Variants in YPEL5 observed in about 807,000 individuals in gnomAD.
The protein encoded by YPEL5 is yippee like 5.
A neutral mutation model predicts 10.5 loss-of-function variants in YPEL5; 1 was observed. The observed-to-expected ratio is 0.10, with a 90% CI of 0.03 to 0.45. The LOEUF is 0.45. Among genes scored for constraint, YPEL5 ranks in the 20% least tolerant of loss-of-function variants. YPEL5 has a pLI of 0.97. For missense variants in YPEL5, 68 were observed against 159.3 expected, an observed-to-expected ratio of 0.43 and a Z score of 3.09; for synonymous variants, 61 against 56.6, an observed-to-expected ratio of 1.08 and a Z score of -0.35.
At chr2:30,151,524 T>C (rs1675794503) in intron 1 of YPEL5, among the ~76,000 whole-genome samples, 5 of 152,212 alleles carry the variant, frequency 3.3e-5, no homozygotes, top group Admixed American at 3.3e-4. Context: ...CCCTCACTGT[T>C]TCAGGTAATT....
chr2:30,152,093 T>C (rs1198494680), intron 1 of YPEL5, among the ~76,000 whole-genome samples: 1 of 152,208 alleles, frequency 6.6e-6, no homozygotes, highest in African/African-American at 2.4e-5. Context: ...ATAAATTGAC[T>C]AGAAGTCATT....
rs776867722 is a variant in YPEL5 at position 30,158,980 on chromosome 2, CCTTTCTTT to C, written c.*150_*157del. On this transcript the variant is annotated 3_prime_UTR_variant, in exon 3 of 3. Transcript: ENST00000261353. The stretch of plus-strand genomic sequence containing the variant: ...GAGGTTGTGAGAATCTAAGATGGAA[CCTTTCTTT>C]CTTTCTTTCTTTTTTTTTAAATTTT... 1.3e-6 allele frequency: 1 copy of C among 794,046 alleles called. No homozygotes were observed. The highest frequency in any genetic ancestry group is 2.0e-6 in the Non-Finnish European group (1 of 512,442). 49.2% of individuals were successfully genotyped at this position (794,046 alleles called of 1,614,324 possible). A position where few individuals can be genotyped will look rare whatever the true frequency, so the allele number is the denominator to read the frequency against.
intron 1 of YPEL5, among the ~76,000 whole-genome samples, chr2:30,155,307 A>T (rs964427643): frequency 6.6e-6 from 1 of 152,140 alleles, no homozygotes; most frequent in African/African-American, 2.4e-5. Flanking sequence ...AGTCATAATG[A>T]TTTTTGTGAT....
chr2:30,152,320 C>T (rs1345151), intron 1 of YPEL5, among the ~76,000 whole-genome samples: 39,364 of 152,040 alleles, frequency 0.26, 5,752 homozygotes, highest in East Asian at 0.57. Context: ...TGAAGTGGTA[C>T]GTATGAATGT....
rs765255358 is a variant in YPEL5, at chr2:30,156,635, G to C, written c.-17G>C. ...TTTTCTATTTGCTCCTAGGTTTTTA[G>C]AACTTCAGCCATAAAAATGGGCAGA... On this transcript the variant is annotated 5_prime_UTR_variant, in exon 2 of 3. Coordinates refer to ENST00000261353, the MANE Select transcript of YPEL5 (RefSeq NM_016061.3). The C allele has an allele frequency of 3.8e-5, 62 of 1,613,034 alleles. No homozygotes were observed. The highest frequency in any genetic ancestry group is 5.0e-5 in the Non-Finnish European group (59 of 1,179,650).
intron 1 of YPEL5, chr2:30,148,621 G>A (rs1238546885): frequency 6.6e-6 from 1 of 152,216 alleles, no homozygotes; most frequent in African/African-American, 2.4e-5. Context: ...ACAAAGTCGA[G>A]CAATAATTTT....
intron 1 of YPEL5, among the ~76,000 whole-genome samples, chr2:30,154,524 C>T (rs1675950429): frequency 6.6e-6 from 1 of 152,150 alleles, no homozygotes; most frequent in South Asian, 2.1e-4. Flanking sequence ...AAACTACAGG[C>T]TCTTTAATGA....
chr2:30,150,708 T>G (rs1471516882), intron 1 of YPEL5, among the ~76,000 whole-genome samples: 1 of 152,220 alleles, frequency 6.6e-6, no homozygotes, highest in Non-Finnish European at 1.5e-5. Context: ...GCCAACCAAG[T>G]TTCCATTTTT....
In YPEL5 at chr2:30,156,799, G is replaced by A. The variant is rs1458561939; in HGVS notation, c.141+7G>A. The A allele has an allele frequency of 6.2e-7, 1 of 1,613,900 alleles. No homozygotes were observed. ...AGCATTTCTTTTTAACAAGGTTAGT[G>A]AGAAAAAGTTTGATTCCTAAGTGGG... On this transcript the variant is annotated splice_region_variant and intron_variant, in intron 2 of 2. Coordinates refer to ENST00000261353, the MANE Select transcript of YPEL5 (RefSeq NM_016061.3).
chr2:30,158,480 T>TG (rs1352734401), intron 2 of YPEL5, 139 bp from the exon 3 acceptor site: 5 of 775,682 alleles, frequency 6.4e-6, no homozygotes, highest in Middle Eastern at 3.8e-4. Flanking sequence ...AAATAAGTCT[T>TG]GCGTATTATA....
chr2:30,149,474 T>G (rs1675675127), intron 1 of YPEL5, among the ~76,000 whole-genome samples: 1 of 152,262 alleles, frequency 6.6e-6, no homozygotes, highest in Admixed American at 6.5e-5. Context: ...ATCAAACTGT[T>G]TTCCCATGTA....
intron 1 of YPEL5, chr2:30,148,487 A>C (rs1159137959): frequency 6.6e-6 from 1 of 152,250 alleles, no homozygotes; most frequent in Non-Finnish European, 1.5e-5. Context: ...CCAGAAGTGA[A>C]GTGCTTTGGT....
intron 2 of YPEL5, among the ~76,000 whole-genome samples, chr2:30,157,147 G>A (rs1676078405): frequency 6.6e-6 from 1 of 152,126 alleles, no homozygotes; most frequent in African/African-American, 2.4e-5. Context: ...GCTGGGCGTG[G>A]TGGTGTGTGC....
At chr2:30,157,239 C>T (rs151155730) in intron 2 of YPEL5, among the ~76,000 whole-genome samples, 32 of 151,582 alleles carry the variant, frequency 2.1e-4, no homozygotes, top group African/African-American at 6.5e-4. Context: ...GCCGAGATAG[C>T]GCCACTGCAC....
At chr2:30,154,814 C>T (rs1675964782) in intron 1 of YPEL5, among the ~76,000 whole-genome samples, 1 of 152,238 alleles carries the variant, frequency 6.6e-6, no homozygotes. Flanking sequence ...TCTTGGCTCA[C>T]TGCGACCTCT....
chr2:30,147,830 T>C (rs1364649067), intron 1 of YPEL5: 2 of 153,338 alleles, frequency 1.3e-5, no homozygotes, highest in African/African-American at 4.9e-5. Flanking sequence ...GTGTTTGTTG[T>C]GCCGAGGGAG....
intron 2 of YPEL5, among the ~76,000 whole-genome samples, chr2:30,157,569 C>T (rs1247746412): frequency 1.3e-5 from 2 of 152,196 alleles, no homozygotes; most frequent in Non-Finnish European, 2.9e-5. Flanking sequence ...TTCTGATTTG[C>T]AAGTGTGTGC....
Position 30,158,997 on chromosome 2 carries a change from CTTTT to C in YPEL5, c.*160_*163del. ...AGATGGAACCTTTCTTTCTTTCTTT[CTTTT>C]TTTTTAAATTTTGTATTTTCCATCC... On this transcript the variant is annotated 3_prime_UTR_variant, in exon 3 of 3. Transcript: ENST00000261353. The C allele has an allele frequency of 1.4e-6, 1 of 727,472 alleles. No homozygotes were observed. Among genetic ancestry groups the C allele is most frequent in the Non-Finnish European group, 2.2e-6 (1 of 457,540 alleles). The allele number at this position is 727,472 out of a possible 1,614,324, so 45.1% of individuals were successfully genotyped here. A position where few individuals can be genotyped will look rare whatever the true frequency, so the allele number is the denominator to read the frequency against.
chr2:30,152,567 G>A (rs1675848429), intron 1 of YPEL5, among the ~76,000 whole-genome samples: 1 of 152,208 alleles, frequency 6.6e-6, no homozygotes, highest in Admixed American at 6.5e-5. Flanking sequence ...CATGGAAGCA[G>A]GAAGGGCTGA....
Sources: gnomAD v4.1 joint callset for allele counts (sites outside exome capture counted in the v4.1 genomes callset) on GRCh38, gnomAD v4.1.1 for gene constraint, MANE v1.5 for transcripts, NCBI Gene and HGNC (gene_info 2026-07-23, HGNC 2026-07-21) for gene names.